FAM124B: variants seen among roughly 807,000 people sequenced by gnomAD.
FAM124B encodes the protein protein FAM124B.
FAM124B carries 18 observed loss-of-function variants against 19.7 expected under a neutral mutation model. That is an observed-to-expected ratio of 0.92 (90% confidence interval 0.63 to 1.36). The LOEUF (loss-of-function observed/expected upper bound fraction) is 1.36, where lower values mean the gene tolerates loss of function less well. Ranked by LOEUF, FAM124B falls within the 40% of genes most tolerant of loss-of-function variation. FAM124B has a pLI of 0.00. For missense variants in FAM124B, 540 were observed against 553.3 expected, an observed-to-expected ratio of 0.98 and a Z score of 0.24; for synonymous variants, 223 against 225.2, an observed-to-expected ratio of 0.99 and a Z score of 0.09.
chr2:224,396,400 G>T (rs1028726570), intron 1 of FAM124B, among the ~76,000 whole-genome samples: 2 of 152,192 alleles, frequency 1.3e-5, no homozygotes, highest in East Asian at 1.9e-4. Flanking sequence ...ACTCAGGAAA[G>T]CTTTCTCACT....
chr2:224,383,440 C>T (rs1241132928), intron 1 of FAM124B, among the ~76,000 whole-genome samples: 1 of 151,998 alleles, frequency 6.6e-6, no homozygotes, highest in Non-Finnish European at 1.5e-5. Context: ...CACAGCTCCG[C>T]CCTCCCTCCC....
chr2:224,395,094 TGAG>T, intron 1 of FAM124B, among the ~76,000 whole-genome samples: 1 of 152,212 alleles, frequency 6.6e-6, no homozygotes, highest in South Asian at 2.1e-4. Flanking sequence ...TCAAACAGAA[TGAG>T]AAGATCACCA....
chr2:224,382,574 T>A (rs913071890), intron 1 of FAM124B, among the ~76,000 whole-genome samples: 1 of 152,052 alleles, frequency 6.6e-6, no homozygotes, highest in Non-Finnish European at 1.5e-5. Context: ...CACGCCCAGC[T>A]AATTTTGTAT....
rs777463842 is a variant in FAM124B at position 224,401,346 on chromosome 2, C to T, written c.423G>A (p.Thr141=). ...CATAGTTATCAAAACTGCAGTACAG[C>T]GTCACCCTCAGGATCTCGGAGCCAC... ...VHCGSEILRV[T]LYCSFDNYED... Residue 141 remains threonine (T), a synonymous_variant, in exon 1 of 2, where the codon ACG becomes ACA. Transcript: ENST00000409685. The T allele has an allele frequency of 1.2e-6, 2 of 1,614,052 alleles. No homozygotes were observed. The highest frequency in any genetic ancestry group is 2.2e-5 in the South Asian group (2 of 91,072).
chr2:224,380,338 G>A (rs1689696133), intron 1 of FAM124B, 130 bp from the exon 2 acceptor site: 1 of 769,974 alleles, frequency 1.3e-6, no homozygotes, highest in Admixed American at 2.9e-5. Flanking sequence ...TGGTTGAATT[G>A]AATAGAAGTG....
At chr2:224,400,528 A>G in intron 1 of FAM124B, 1 of 688,006 alleles carries the variant, frequency 1.5e-6, no homozygotes, top group Non-Finnish European at 2.6e-6. Flanking sequence ...AAAATTAAAA[A>G]TTAAAAAAAC....
At chr2:224,396,349 T>G (rs546261133) in intron 1 of FAM124B, among the ~76,000 whole-genome samples, 1 of 152,002 alleles carries the variant, frequency 6.6e-6, no homozygotes, top group Non-Finnish European at 1.5e-5. Flanking sequence ...ACTGGCTAAT[T>G]CCTCCTGGGC....
chr2:224,394,764 C>T (rs886357162), intron 1 of FAM124B, among the ~76,000 whole-genome samples: 1 of 152,168 alleles, frequency 6.6e-6, no homozygotes, highest in Non-Finnish European at 1.5e-5. Flanking sequence ...TTCAGTCAAT[C>T]CCCCAAGTCA....
At chr2:224,386,445 C>T (rs1669662717) in intron 1 of FAM124B, among the ~76,000 whole-genome samples, 1 of 152,228 alleles carries the variant, frequency 6.6e-6, no homozygotes, top group Non-Finnish European at 1.5e-5. Context: ...AGACCACTTA[C>T]TTAATATTTC....
chr2:224,395,259 G>GA (rs922077011), intron 1 of FAM124B, among the ~76,000 whole-genome samples: 2 of 151,740 alleles, frequency 1.3e-5, no homozygotes, highest in East Asian at 1.9e-4. Flanking sequence ...GCAAAAAATT[G>GA]AAAAAAAATC....
At chr2:224,392,143 T>C (rs1220614393) in intron 1 of FAM124B, among the ~76,000 whole-genome samples, 1 of 152,182 alleles carries the variant, frequency 6.6e-6, no homozygotes, top group Admixed American at 6.5e-5. Context: ...AATTCTACCC[T>C]TAAGAGATGA....
intron 1 of FAM124B, among the ~76,000 whole-genome samples, chr2:224,391,569 A>G (rs1363146993): frequency 2.0e-5 from 3 of 152,328 alleles, no homozygotes; most frequent in African/African-American, 4.8e-5. Flanking sequence ...AGGCTGAATT[A>G]TCTTGTTTTA....
chr2:224,393,937 G>C (rs1287644986), intron 1 of FAM124B, among the ~76,000 whole-genome samples: 1 of 152,152 alleles, frequency 6.6e-6, no homozygotes, highest in Non-Finnish European at 1.5e-5. Context: ...CCTGCAGCAG[G>C]TGCTGATCTC....
chr2:224,383,335 T>C (rs1689754681), intron 1 of FAM124B, among the ~76,000 whole-genome samples: 1 of 152,162 alleles, frequency 6.6e-6, no homozygotes, highest in Admixed American at 6.5e-5. Flanking sequence ...CTGTTTCTTA[T>C]CACATACACC....
chr2:224,382,008 T>C (rs949411323), intron 1 of FAM124B, among the ~76,000 whole-genome samples: 5 of 152,192 alleles, frequency 3.3e-5, no homozygotes, highest in Admixed American at 2.0e-4. Context: ...TTTGTTTGTA[T>C]AGATGACGCA....
In FAM124B at chr2:224,379,821, G is replaced by A; in HGVS notation, c.1120C>T (p.Pro374Ser). ...DTGLTIINSEPRQTYFGGFPR... is the reference protein window; with the variant it reads ...DTGLTIINSESRQTYFGGFPR... ...AATCCGCCAAAATAAGTCTGCCTGG[G>A]TTCAGAATTTATGATGGTCAAGCCG... Residue 374 changes from proline to serine, a missense_variant, in exon 2 of 2, where the codon CCC (proline) becomes TCC (serine). Transcript: ENST00000409685. 1 of 1,551,914 alleles carries A rather than the reference G, an allele frequency of 6.4e-7. No individual in the cohort carries two copies.
At chr2:224,381,129 CAAG>C (rs1689706196) in intron 1 of FAM124B, among the ~76,000 whole-genome samples, 1 of 152,136 alleles carries the variant, frequency 6.6e-6, no homozygotes, top group Admixed American at 6.5e-5. Flanking sequence ...AATCAAATAT[CAAG>C]AAGAATGATA....
chr2:224,380,044 C>T lies in FAM124B; in HGVS notation c.897G>A (p.Glu299=), dbSNP rs1441875321. The part of the protein sequence containing the change: ...RSQGHSLELP[E]PSGSPTSDRC... ...TGTCTGATGTGGGGCTCCCACTGGG[C>T]TCAGGAAGCTCCAGAGAATGCCCCT... The change falls in exon 2 of 2, where the codon GAG becomes GAA. Residue 299 remains glutamate, a synonymous_variant. Coordinates refer to ENST00000409685, the MANE Select transcript of FAM124B (RefSeq NM_001122779.2). 1.3e-6 allele frequency: 2 copies of T among 1,551,706 alleles called. No individual in the cohort carries two copies. The highest frequency in any genetic ancestry group is 2.4e-5 in the South Asian group (2 of 84,058).
intron 1 of FAM124B, among the ~76,000 whole-genome samples, chr2:224,390,663 G>A (rs1689866199): frequency 6.6e-6 from 1 of 150,950 alleles, no homozygotes; most frequent in East Asian, 1.9e-4. Flanking sequence ...ATCACTTGGA[G>A]GAAAGATTCC....
Sources: allele counts gnomAD v4.1 joint callset (sites outside exome capture counted in the v4.1 genomes callset), GRCh38; gene constraint gnomAD v4.1.1; transcripts MANE v1.5; gene names NCBI Gene and HGNC (gene_info 2026-07-23, HGNC 2026-07-21).